CTNNA2: variants seen among roughly 807,000 people sequenced by gnomAD.
CTNNA2 encodes catenin alpha-2.
Under a neutral mutation model 101.0 loss-of-function variants are expected in CTNNA2, and 42 were observed. The ratio of observed to expected loss-of-function variants is 0.42; its 90% CI spans 0.32 to 0.54. The LOEUF (loss-of-function observed/expected upper bound fraction) is 0.54. CTNNA2 is among the 20% of genes least tolerant of loss of function. The pLI, the probability that CTNNA2 is intolerant of heterozygous loss-of-function variation, is 0.14. For missense variants in CTNNA2, 871 were observed against 1,223.1 expected (o/e 0.71, Z 4.29); for synonymous variants, 450 against 456.4 (o/e 0.99, Z 0.18).
At chr2:79,330,839 T>C (rs1229110710) in intron 3 of CTNNA2, among the ~76,000 whole-genome samples, 4 of 152,182 alleles carry the variant, frequency 2.6e-5, no homozygotes, top group Admixed American at 1.3e-4. Context: ...TGTAAGTCAA[T>C]TAAACCTCTT....
chr2:80,004,514 TG>T (rs1033936649), intron 7 of CTNNA2, among the ~76,000 whole-genome samples: 1 of 152,002 alleles, frequency 6.6e-6, no homozygotes, highest in African/African-American at 2.4e-5. Context: ...GCCAGGCAGA[TG>T]GGTCAATGCT....
chr2:80,144,980 G>T (rs970385783), intron 7 of CTNNA2, among the ~76,000 whole-genome samples: 1 of 151,992 alleles, frequency 6.6e-6, no homozygotes, highest in African/African-American at 2.4e-5. Context: ...TGTCACAACC[G>T]AAAATGCCTC....
chr2:79,781,092 A>G (rs1267942417), intron 3 of CTNNA2, among the ~76,000 whole-genome samples: 3 of 152,152 alleles, frequency 2.0e-5, no homozygotes, highest in Non-Finnish European at 1.5e-5. Flanking sequence ...TACTCCATAG[A>G]CGGAGCCAGT....
At chr2:79,852,370 G>C (rs1031096450) in intron 3 of CTNNA2, among the ~76,000 whole-genome samples, 3 of 152,062 alleles carry the variant, frequency 2.0e-5, no homozygotes, top group African/African-American at 7.2e-5. Context: ...ACCATGGAAG[G>C]TATAGGAAAT....
chr2:79,190,588 A>T (rs967594592), intron 1 of CTNNA2, among the ~76,000 whole-genome samples: 1 of 152,122 alleles, frequency 6.6e-6, no homozygotes, highest in Non-Finnish European at 1.5e-5. Flanking sequence ...CCGTTTAGAA[A>T]GATTTTTCTA....
chr2:79,894,036 T>A (rs1412745485), intron 6 of CTNNA2, among the ~76,000 whole-genome samples: 1 of 145,204 alleles, frequency 6.9e-6, no homozygotes, highest in East Asian at 2.0e-4. Context: ...CTTCTTCTTC[T>A]TCTTCTTCTT....
chr2:79,535,667 A>T (rs1214168514), intron 1 of CTNNA2, among the ~76,000 whole-genome samples: 1 of 152,074 alleles, frequency 6.6e-6, no homozygotes, highest in Non-Finnish European at 1.5e-5. Flanking sequence ...ATATAATTTA[A>T]ATAAATAATA....
intron 3 of CTNNA2, among the ~76,000 whole-genome samples, chr2:79,764,688 G>C (rs1398013956): frequency 6.6e-6 from 1 of 152,170 alleles, no homozygotes; most frequent in Non-Finnish European, 1.5e-5. Flanking sequence ...GAGTGGTCCA[G>C]TAAAAAGGAA....
intron 7 of CTNNA2, among the ~76,000 whole-genome samples, chr2:80,212,987 T>C (rs966970603): frequency 8.5e-5 from 13 of 152,220 alleles, no homozygotes; most frequent in African/African-American, 3.1e-4. Context: ...CTAGATTTTC[T>C]AGTTTATTTG....
chr2:80,358,897 A>T (rs1010327113), intron 7 of CTNNA2, among the ~76,000 whole-genome samples: 4 of 151,972 alleles, frequency 2.6e-5, no homozygotes, highest in African/African-American at 7.3e-5. Flanking sequence ...AAACATGAAG[A>T]GGTTCTTTAT....
chr2:80,347,386 G>C (rs1672835324), intron 7 of CTNNA2, among the ~76,000 whole-genome samples: 1 of 151,946 alleles, frequency 6.6e-6, no homozygotes. Context: ...GACAAGTGTA[G>C]AGATTTCGAA....
chr2:79,318,857 T>C (rs536691856), intron 3 of CTNNA2, among the ~76,000 whole-genome samples: 3 of 152,312 alleles, frequency 2.0e-5, no homozygotes, highest in South Asian at 4.1e-4. Flanking sequence ...TACCAACTCC[T>C]TTTCCAAGAA....
chr2:79,660,742 C>G (rs1256303140), intron 2 of CTNNA2, among the ~76,000 whole-genome samples: 2 of 151,994 alleles, frequency 1.3e-5, no homozygotes, highest in East Asian at 3.9e-4. Flanking sequence ...ATGTCTGCCA[C>G]CAGATGGGAG....
intron 7 of CTNNA2, among the ~76,000 whole-genome samples, chr2:80,182,543 A>T (rs1419857756): frequency 6.6e-6 from 1 of 152,180 alleles, no homozygotes; most frequent in South Asian, 2.1e-4. Flanking sequence ...GCTCATTCTG[A>T]TGGGGAAGGA....
intron 3 of CTNNA2, among the ~76,000 whole-genome samples, chr2:79,844,703 G>A (rs1020119112): frequency 9.2e-5 from 14 of 152,134 alleles, no homozygotes; most frequent in Admixed American, 6.5e-4. Flanking sequence ...TTTCATTTAG[G>A]TCTTAATGTT....
rs11374204 is a variant in CTNNA2 at position 80,018,779 on chromosome 2, T to TAAAA, written c.1056+109000_1056+109003dup. 4.0e-3 allele frequency among the ~76,000 whole-genome samples: 501 copies of TAAAA among 123,900 alleles called. 2 individuals are homozygous for TAAAA. Among genetic ancestry groups the TAAAA allele is most frequent in the African/African-American group, 0.015 (480 of 32,684 alleles). 81.3% of individuals were successfully genotyped at this position (123,900 alleles called of 152,430 possible). A position where few individuals can be genotyped will look rare whatever the true frequency, so the allele number is the denominator to read the frequency against. On this transcript the variant is annotated intron_variant, in intron 7 of 18. Coordinates refer to ENST00000402739, the MANE Select transcript of CTNNA2 (RefSeq NM_001282597.3). ...CTGGGCGACAGGGCGAGACTCTGTG[T>TAAAA]AAAAAAAAAAAAAAAAAAAAATTGG...
chr2:80,231,861 GT>G (rs201960960), intron 7 of CTNNA2, among the ~76,000 whole-genome samples: 1 of 151,948 alleles, frequency 6.6e-6, no homozygotes, highest in South Asian at 2.1e-4. Flanking sequence ...TCCCTTACTA[GT>G]TTTTTTTCCA....
chr2:79,819,026 C>T (rs1006518995), intron 3 of CTNNA2, among the ~76,000 whole-genome samples: 2 of 148,878 alleles, frequency 1.3e-5, no homozygotes, highest in Admixed American at 6.7e-5. Flanking sequence ...GTCACCCAGG[C>T]TGGAGTGTAG....
chr2:80,239,014 T>G (rs1709696135), intron 7 of CTNNA2, among the ~76,000 whole-genome samples: 2 of 152,222 alleles, frequency 1.3e-5, no homozygotes, highest in Non-Finnish European at 2.9e-5. Flanking sequence ...GGGGAAGATT[T>G]TTAGCCTGAA....
Sources: gnomAD v4.1 joint callset for allele counts (sites outside exome capture counted in the v4.1 genomes callset) on GRCh38, gnomAD v4.1.1 for gene constraint, MANE v1.5 for transcripts, NCBI Gene and HGNC (gene_info 2026-07-23, HGNC 2026-07-21) for gene names.